The following GET1 variants were observed in gnomAD, a reference collection of about 807,000 sequenced individuals.
GET1 encodes the protein guided entry of tail-anchored proteins factor 1, also known as congenital heart disease 5 protein.
In GET1, 20 loss-of-function variants were observed where a neutral mutation model predicts 22.6. The ratio of observed to expected loss-of-function variants is 0.89; its 90% confidence interval spans 0.62 to 1.29. GET1 has a LOEUF of 1.29. GET1 is among the 50% of genes most tolerant of loss of function. GET1 has a pLI of 0.00. For synonymous variants in GET1, 92 were observed against 83.8 expected, an observed-to-expected ratio of 1.10 and a Z score of -0.53; for missense variants, 209 against 219.9, an observed-to-expected ratio of 0.95 and a Z score of 0.31.
intron 1 of GET1, among the ~76,000 whole-genome samples, chr21:39,414,740 C>CTGTGTGTGTGTGTGTGTG (rs796818060): frequency 1.7e-4 from 18 of 104,114 alleles, no homozygotes; most frequent in African/African-American, 5.6e-4. Context: ...CTCTCTCTCT[C>CTGTGTGTGTGTGTGTGTG]TCTGTGTGTG....
intron 1 of GET1, among the ~76,000 whole-genome samples, chr21:39,383,201 G>T (rs193003588): frequency 2.6e-5 from 4 of 151,406 alleles, no homozygotes; most frequent in Non-Finnish European, 4.4e-5. Flanking sequence ...TGATCTGCCC[G>T]CCTTGGCCTC....
At chr21:39,390,666 A>C (rs766168253) in intron 1 of GET1, 32 bp from the exon 2 acceptor site, 5 of 1,611,928 alleles carry the variant, frequency 3.1e-6, no homozygotes, top group Admixed American at 1.7e-5. Flanking sequence ...CCCGTGTTGG[A>C]AGGTGCTGAT....
At chr21:39,411,054 G>A, downstream of GET1, 2 of 386,036 alleles carry the variant, frequency 5.2e-6, no homozygotes, top group Non-Finnish European at 1.0e-5. Context: ...ATACACTAAT[G>A]ATAGTGGCAT....
chr21:39,387,333 ATC>A (rs1569033426), intron 1 of GET1, among the ~76,000 whole-genome samples: 2 of 152,018 alleles, frequency 1.3e-5, no homozygotes, highest in Admixed American at 6.6e-5. Context: ...ATGTCTTGGA[ATC>A]TCTTTTTCTT....
intron 1 of GET1, among the ~76,000 whole-genome samples, chr21:39,413,644 C>G (rs991235604): frequency 7.2e-5 from 11 of 152,130 alleles, no homozygotes; most frequent in African/African-American, 1.4e-4. Flanking sequence ...TCTCTCTTTT[C>G]TTATTGTGGT....
intron 4 of GET1, among the ~76,000 whole-genome samples, chr21:39,393,850 A>C (rs140563663): frequency 2.6e-5 from 4 of 152,074 alleles, no homozygotes; most frequent in Admixed American, 2.0e-4. Flanking sequence ...GCGTTTCACC[A>C]TGTTGGCCAG....
At chr21:39,419,801 A>G (rs1240919731) in intron 1 of GET1, among the ~76,000 whole-genome samples, 1 of 152,182 alleles carries the variant, frequency 6.6e-6, no homozygotes, top group Admixed American at 6.5e-5. Flanking sequence ...GGCTTGAAAC[A>G]GCGTATTTCT....
intron 1 of GET1, among the ~76,000 whole-genome samples, chr21:39,417,331 T>C (rs1289923275): frequency 6.6e-6 from 1 of 152,216 alleles, no homozygotes; most frequent in Non-Finnish European, 1.5e-5. Flanking sequence ...TGAGCCACTG[T>C]ACCCAGCTGC....
intron 1 of GET1, chr21:39,387,785 G>C (rs1388290732): frequency 1.0e-6 from 1 of 985,396 alleles, no homozygotes; most frequent in Non-Finnish European, 1.2e-6. Flanking sequence ...ACCCTCAGGC[G>C]ACTGGCGGGT....
intron 1 of GET1, among the ~76,000 whole-genome samples, chr21:39,420,189 T>A (rs1487707133): frequency 6.6e-6 from 1 of 152,114 alleles, no homozygotes; most frequent in Non-Finnish European, 1.5e-5. Flanking sequence ...TCTGTTCATA[T>A]GATTGTAGAG....
chr21:39,420,542 G>C (rs781198736), intron 1 of GET1, among the ~76,000 whole-genome samples: 1 of 57,152 alleles, frequency 1.7e-5, no homozygotes, highest in African/African-American at 7.1e-5. Context: ...AAAAAAAAAA[G>C]ATAAACAGAA....
chr21:39,383,995 C>T (rs2037726731), intron 1 of GET1, among the ~76,000 whole-genome samples: 1 of 151,520 alleles, frequency 6.6e-6, no homozygotes, highest in African/African-American at 2.4e-5. Flanking sequence ...CCTGCCTGGG[C>T]CTCCCAAAGT....
At chr21:39,418,778 G>A (rs1211641262) in intron 1 of GET1, among the ~76,000 whole-genome samples, 1 of 152,194 alleles carries the variant, frequency 6.6e-6, no homozygotes, top group Non-Finnish European at 1.5e-5. Context: ...GGGATTACAG[G>A]TGTGAGCCAC....
At chr21:39,392,139 C>T (rs755498428) in intron 3 of GET1, 16 of 336,488 alleles carry the variant, frequency 4.8e-5, no homozygotes, top group Non-Finnish European at 5.4e-5. Context: ...TGGGATGAAG[C>T]GAGAGGCTTA....
chr21:39,409,504 G>C (rs2039704529), downstream of GET1, among the ~76,000 whole-genome samples: 1 of 152,164 alleles, frequency 6.6e-6, no homozygotes. The surrounding 1 kb of genome is among the most constrained non-coding windows in gnomAD (Gnocchi z 4.2). Context: ...GCCCAAGGGT[G>C]TTCCAAGGAG....
chr21:39,389,672 G>A (rs2038166750), intron 1 of GET1, among the ~76,000 whole-genome samples: 1 of 152,180 alleles, frequency 6.6e-6, no homozygotes, highest in Admixed American at 6.5e-5. Context: ...TCCTGTGTCA[G>A]GCTGCCCTTT....
intron 4 of GET1, among the ~76,000 whole-genome samples, chr21:39,403,483 G>A (rs1405585345): frequency 1.3e-5 from 2 of 150,896 alleles, no homozygotes; most frequent in Non-Finnish European, 2.9e-5. Context: ...CCGCCACCAC[G>A]CCCGGCTAAT....
chr21:39,427,597 G>C (rs111956989), intron 1 of GET1, among the ~76,000 whole-genome samples: 34,691 of 150,652 alleles, frequency 0.23, 4,502 homozygotes, highest in African/African-American at 0.35. Flanking sequence ...GGGAGGCAGA[G>C]CTTGCAGTGA....
At chr21:39,384,270 T>G (rs1262645126) in intron 1 of GET1, among the ~76,000 whole-genome samples, 1 of 151,786 alleles carries the variant, frequency 6.6e-6, no homozygotes, top group African/African-American at 2.4e-5. Context: ...TTATTATTAT[T>G]TTTTGAGACA....
Sources: allele counts gnomAD v4.1 joint callset (sites outside exome capture counted in the v4.1 genomes callset), GRCh38; gene constraint gnomAD v4.1.1; non-coding constraint Gnocchi (gnomAD v3.1); transcripts MANE v1.5; gene names NCBI Gene and HGNC (gene_info 2026-07-23, HGNC 2026-07-21).